Variants in PEAK1 observed in about 807,000 individuals in gnomAD.
The protein encoded by PEAK1 is pseudopodium enriched atypical kinase 1.
Under a neutral mutation model 124.7 loss-of-function variants are expected in PEAK1, and 54 were observed. That is an observed-to-expected ratio of 0.43 (90% confidence interval 0.35 to 0.54). The LOEUF (loss-of-function observed/expected upper bound fraction) is 0.54. PEAK1 is among the 20% of genes least tolerant of loss of function. PEAK1 has a pLI of 0.01. For missense variants in PEAK1, 2,046 were observed against 2,134.5 expected (o/e 0.96, Z 0.82); for synonymous variants, 719 against 760.0 (o/e 0.95, Z 0.89).
chr15:77,215,730 T>C (rs1008773497), intron 6 of PEAK1, among the ~76,000 whole-genome samples: 1 of 152,206 alleles, frequency 6.6e-6, no homozygotes, highest in African/African-American at 2.4e-5. Flanking sequence ...GTTTGTGCTT[T>C]TGATTATCTT....
At chr15:77,295,914 A>G (rs943588130) in intron 2 of PEAK1, among the ~76,000 whole-genome samples, 10 of 152,196 alleles carry the variant, frequency 6.6e-5, no homozygotes, top group African/African-American at 1.9e-4. Flanking sequence ...TTTCTTCTAC[A>G]AAGAAAATTT....
chr15:77,228,522 T>C (rs2059774549), intron 6 of PEAK1, among the ~76,000 whole-genome samples: 1 of 152,088 alleles, frequency 6.6e-6, no homozygotes, highest in Non-Finnish European at 1.5e-5. Flanking sequence ...CAGATGAAGA[T>C]ATTAAGGTGT....
Position 77,313,726 on chromosome 15 carries a change from G to GTGTATATATA in PEAK1, c.-602-27223_-602-27222insTATATATACA, listed in dbSNP as rs1462211130. On this transcript the variant is annotated intron_variant, in intron 2 of 9. Transcript: ENST00000682557. Reference sequence around the variant, plus strand: ...TATATGTATGTGTGTGTGTGTGTGTGTATATATATATATATTTATTTATTT... The same window carrying GTGTATATATA: ...TATATGTATGTGTGTGTGTGTGTGTGTGTATATATATATATATATATATATTTATTTATTT... Among the ~76,000 whole-genome samples, 202 of 108,478 alleles carry GTGTATATATA rather than the reference G, an allele frequency of 1.9e-3. 2 individuals are homozygous for GTGTATATATA. The highest frequency in any genetic ancestry group is 2.7e-3 in the Non-Finnish European group (140 of 51,418). The allele number at this position is 108,478 out of a possible 152,430, so 71.2% of individuals were successfully genotyped here. A position where few individuals can be genotyped will look rare whatever the true frequency, so the allele number is the denominator to read the frequency against.
chr15:77,133,858 G>T lies in PEAK1; in HGVS notation c.3332-108C>A. 1 of 1,229,734 alleles carries T rather than the reference G, an allele frequency of 8.1e-7. No individual in the cohort carries two copies. Among genetic ancestry groups the T allele is most frequent in the Non-Finnish European group, 1.1e-6 (1 of 913,994 alleles). The allele number at this position is 1,229,734 out of a possible 1,614,324, so 76.2% of individuals were successfully genotyped here. A position where few individuals can be genotyped will look rare whatever the true frequency, so the allele number is the denominator to read the frequency against. ...GAGTGAGGTAGCCATGGGAATGTAAGAATAAGTCAACTCTTTAGTTCAAAA... is the reference window on the plus strand; with the variant it reads ...GAGTGAGGTAGCCATGGGAATGTAATAATAAGTCAACTCTTTAGTTCAAAA... On this transcript the variant is annotated intron_variant, in intron 8 of 9. Transcript: ENST00000682557. This position sits in a 1 kb window ranked among gnomAD's most constrained non-coding sequence, Gnocchi z 4.2.
chr15:77,165,489 G>A (rs1340362430), intron 7 of PEAK1, among the ~76,000 whole-genome samples: 1 of 152,156 alleles, frequency 6.6e-6, no homozygotes, highest in Non-Finnish European at 1.5e-5. Context: ...GAGCCACTGC[G>A]CCCGACCCTT....
chr15:77,253,079 T>C (rs777315830), intron 5 of PEAK1, among the ~76,000 whole-genome samples: 1 of 152,186 alleles, frequency 6.6e-6, no homozygotes, highest in South Asian at 2.1e-4. Flanking sequence ...ATCTATCTTA[T>C]ACATGTTCAA....
chr15:77,246,218 A>G (rs1168271981), intron 6 of PEAK1, among the ~76,000 whole-genome samples: 1 of 152,168 alleles, frequency 6.6e-6, no homozygotes, highest in Admixed American at 6.5e-5. Context: ...TATGTTGGCC[A>G]GAATGGTCTT....
intron 1 of PEAK1, among the ~76,000 whole-genome samples, chr15:77,413,775 T>C (rs1040199219): frequency 1.3e-5 from 2 of 150,812 alleles, no homozygotes; most frequent in African/African-American, 4.8e-5. Flanking sequence ...CATGGTTATG[T>C]AGGATGTTAA....
chr15:77,214,345 G>T (rs537300081), intron 6 of PEAK1, among the ~76,000 whole-genome samples: 1 of 151,862 alleles, frequency 6.6e-6, no homozygotes, highest in Non-Finnish European at 1.5e-5. Flanking sequence ...GGCTGGGCGC[G>T]GTGGCTCACG....
chr15:77,244,740 C>T (rs561596471), intron 6 of PEAK1, among the ~76,000 whole-genome samples: 7 of 152,140 alleles, frequency 4.6e-5, no homozygotes, highest in South Asian at 2.1e-4. Flanking sequence ...AGGCATGCAC[C>T]ACCATGCCCA....
At chr15:77,313,294 A>C (rs2064594826) in intron 2 of PEAK1, among the ~76,000 whole-genome samples, 1 of 152,214 alleles carries the variant, frequency 6.6e-6, no homozygotes, top group Non-Finnish European at 1.5e-5. Flanking sequence ...TACTGGATTA[A>C]AATCCAAAGT....
chr15:77,240,543 C>G (rs75657134), intron 6 of PEAK1, among the ~76,000 whole-genome samples: 33,639 of 151,668 alleles, frequency 0.22, 4,207 homozygotes, highest in Middle Eastern at 0.3. Context: ...CCTGCTTGAG[C>G]CCTGGAGGTT....
intron 1 of PEAK1, among the ~76,000 whole-genome samples, chr15:77,397,816 T>C (rs922279815): frequency 2.0e-5 from 3 of 152,098 alleles, no homozygotes; most frequent in African/African-American, 4.8e-5. Flanking sequence ...TCCCAGCACC[T>C]TGGGAGGCCA....
At chr15:77,352,194 G>A in intron 2 of PEAK1, 1 of 985,154 alleles carries the variant, frequency 1.0e-6, no homozygotes, top group Non-Finnish European at 1.2e-6. Flanking sequence ...CTGGGTGACA[G>A]AGCAAACCCT....
At chr15:77,215,765 G>A (rs1200303566) in intron 6 of PEAK1, among the ~76,000 whole-genome samples, 2 of 152,038 alleles carry the variant, frequency 1.3e-5, no homozygotes, top group South Asian at 2.1e-4. Context: ...ATGGAGTCTC[G>A]TTATGTTGCC....
At chr15:77,128,588 G>A (rs1023316785) in intron 9 of PEAK1, among the ~76,000 whole-genome samples, 5 of 152,200 alleles carry the variant, frequency 3.3e-5, no homozygotes, top group Admixed American at 3.3e-4. Flanking sequence ...AACCAAAGAG[G>A]ATTATTCTTG....
chr15:77,363,818 T>C (rs1277669715), intron 2 of PEAK1, among the ~76,000 whole-genome samples: 1 of 152,144 alleles, frequency 6.6e-6, no homozygotes, highest in African/African-American at 2.4e-5. Context: ...TGCAACTCTA[T>C]TTACATAAAA....
At chr15:77,237,822 TTTTAA>T (rs1252533449) in intron 6 of PEAK1, among the ~76,000 whole-genome samples, 9 of 152,178 alleles carry the variant, frequency 5.9e-5, no homozygotes, top group Non-Finnish European at 8.8e-5. Flanking sequence ...TCTTCGTTTC[TTTTAA>T]TTGAATGAGT....
chr15:77,101,776 G>A (rs920201889), exon 7 of PEAK1: 2 of 152,120 alleles, frequency 1.3e-5, no homozygotes, highest in South Asian at 2.1e-4. Context: ...TTTGACCTTG[G>A]AGATCTGAAA....
Sources: gnomAD v4.1 joint callset for allele counts (sites outside exome capture counted in the v4.1 genomes callset) on GRCh38, gnomAD v4.1.1 for gene constraint, Gnocchi (gnomAD v3.1) non-coding constraint, MANE v1.5 for transcripts, NCBI Gene and HGNC (gene_info 2026-07-23, HGNC 2026-07-21) for gene names.